The following COLQ variants were observed in gnomAD, a reference collection of about 807,000 sequenced individuals.
The protein encoded by COLQ is collagen like tail subunit of asymmetric acetylcholinesterase.
COLQ carries 48 observed loss-of-function variants against 69.0 expected under a neutral mutation model. The ratio of observed to expected loss-of-function variants is 0.70; its 90% confidence interval spans 0.55 to 0.88. The LOEUF is 0.88. Ranked by LOEUF, COLQ falls within the 40% of genes least tolerant of loss-of-function variation. The pLI is 0.00. For synonymous variants in COLQ, 217 were observed against 211.2 expected, an observed-to-expected ratio of 1.03 and a Z score of -0.24; for missense variants, 618 against 594.6, an observed-to-expected ratio of 1.04 and a Z score of -0.41.
In COLQ at chr3:15,450,751, G is replaced by A. The variant is rs2061930307; in HGVS notation, c.*893C>T. ...GCTGGCCCTAGATCGGGGACTCAGG[G>A]GAGTATCTGCCTAAGGACCAAGGAG... On this transcript the variant is annotated 3_prime_UTR_variant, in exon 17 of 17. Transcript: ENST00000383788. The A allele has an allele frequency of 1.3e-5, 2 of 152,400 alleles. No homozygotes were observed. The highest frequency in any genetic ancestry group is 1.3e-4 in the Admixed American group (2 of 15,282). 9.4% of individuals were successfully genotyped at this position (152,400 alleles called of 1,614,324 possible). A position where few individuals can be genotyped will look rare whatever the true frequency, so the allele number is the denominator to read the frequency against.
chr3:15,502,706 G>T (rs998957378), intron 1 of COLQ, among the ~76,000 whole-genome samples: 2 of 152,080 alleles, frequency 1.3e-5, no homozygotes, highest in Non-Finnish European at 2.9e-5. Context: ...GAGCCACCAC[G>T]CCCGGCCTAA....
chr3:15,488,315 A>T lies in COLQ; in HGVS notation c.220-8T>A, dbSNP rs2062610920. ...CATGTCTGGGGAGAGAAGCTTCAGT[A>T]CAAAGCAACACAGAGTTAGAGGTCA... On this transcript the variant is annotated splice_region_variant and splice_polypyrimidine_tract_variant and intron_variant, in intron 2 of 16. Transcript: ENST00000383788. 6.2e-7 allele frequency: 1 copy of T among 1,611,268 alleles called. No individual in the cohort carries two copies. The highest frequency in any genetic ancestry group is 8.5e-7 in the Non-Finnish European group (1 of 1,178,574).
At chr3:15,501,001 G>C (rs2062821788) in intron 1 of COLQ, among the ~76,000 whole-genome samples, 1 of 152,164 alleles carries the variant, frequency 6.6e-6, no homozygotes, top group Non-Finnish European at 1.5e-5. Flanking sequence ...CTCAGGGTCT[G>C]TGATTCCTGA....
chr3:15,491,508 C>T (rs971686554), intron 1 of COLQ, among the ~76,000 whole-genome samples: 3 of 152,206 alleles, frequency 2.0e-5, no homozygotes, highest in African/African-American at 2.4e-5. Context: ...CCCCAGAAGT[C>T]GCCAGGTCGT....
chr3:15,479,216 T>A, intron 4 of COLQ, 122 bp downstream of exon 4: 3 of 1,211,584 alleles, frequency 2.5e-6, no homozygotes, highest in Non-Finnish European at 3.7e-6. Flanking sequence ...GAACCCAGCC[T>A]CTCACCAAGG....
intron 15 of COLQ, among the ~76,000 whole-genome samples, chr3:15,455,182 C>T (rs2062007316): frequency 6.6e-6 from 1 of 152,186 alleles, no homozygotes; most frequent in African/African-American, 2.4e-5. Context: ...ACCCATTTTA[C>T]AGGCAAGGAA....
chr3:15,498,213 T>C (rs1575489759), intron 1 of COLQ, among the ~76,000 whole-genome samples: 1 of 152,160 alleles, frequency 6.6e-6, no homozygotes, highest in East Asian at 1.9e-4. Context: ...CTTGTGTCAG[T>C]CAAGGTCACA....
intron 11 of COLQ, chr3:15,467,989 G>GA (rs2062225769): frequency 2.2e-6 from 1 of 456,524 alleles, no homozygotes; most frequent in African/African-American, 2.0e-5. Flanking sequence ...CAGCCTAGCT[G>GA]AAGCATTCCC....
At chr3:15,484,193 G>A (rs1024921525) in intron 3 of COLQ, among the ~76,000 whole-genome samples, 33 of 4,452 alleles carry the variant, frequency 7.4e-3, no homozygotes, top group Non-Finnish European at 4.8e-3. Context: ...TTTTTAACTG[G>A]AGCATTTACC....
At chr3:15,512,472 G>T (rs913907964) in intron 1 of COLQ, among the ~76,000 whole-genome samples, 1 of 152,170 alleles carries the variant, frequency 6.6e-6, no homozygotes, top group Admixed American at 6.5e-5. Flanking sequence ...TGGGGAAGCC[G>T]GTCACCACGA....
At chr3:15,505,054 T>C (rs1202520694) in intron 1 of COLQ, among the ~76,000 whole-genome samples, 1 of 152,200 alleles carries the variant, frequency 6.6e-6, no homozygotes, top group Non-Finnish European at 1.5e-5. Context: ...AAGAATACCA[T>C]TAAAAAATTT....
chr3:15,454,651 GTTTTTTTTT>G (rs56053367), intron 15 of COLQ, among the ~76,000 whole-genome samples: 21 of 118,138 alleles, frequency 1.8e-4, no homozygotes, highest in African/African-American at 4.9e-4. Flanking sequence ...CCCCTGAACT[GTTTTTTTTT>G]TTTTTTTTTT....
intron 5 of COLQ, among the ~76,000 whole-genome samples, chr3:15,478,386 C>G (rs139113304): frequency 6.6e-6 from 1 of 152,164 alleles, no homozygotes; most frequent in Admixed American, 6.5e-5. Flanking sequence ...AAGTTTTGCA[C>G]GCTTGTCTAT....
At chr3:15,478,290 C>A (rs893266671) in intron 5 of COLQ, among the ~76,000 whole-genome samples, 4 of 152,192 alleles carry the variant, frequency 2.6e-5, no homozygotes, top group Non-Finnish European at 5.9e-5. Context: ...GTTTAAGGAT[C>A]TTGTGGACCA....
At chr3:15,479,220 A>G in intron 4 of COLQ, 118 bp downstream of exon 4, 1 of 1,227,450 alleles carries the variant, frequency 8.1e-7, no homozygotes, top group Non-Finnish European at 1.2e-6. Flanking sequence ...CCAGCCTCTC[A>G]CCAAGGCAGA....
At chr3:15,500,477 T>C (rs555498868) in intron 1 of COLQ, among the ~76,000 whole-genome samples, 59 of 152,304 alleles carry the variant, frequency 3.9e-4, no homozygotes, top group Non-Finnish European at 6.6e-4. Context: ...GGCATCAAAC[T>C]TTTTCTAAAA....
intron 1 of COLQ, among the ~76,000 whole-genome samples, chr3:15,502,461 G>A (rs927788402): frequency 6.6e-6 from 1 of 151,898 alleles, no homozygotes; most frequent in Non-Finnish European, 1.5e-5. Flanking sequence ...TGTCACCTAG[G>A]CTGGAGTGCA....
rs1168015598 is a variant in COLQ at position 15,450,537 on chromosome 3, G to A, written c.*1107C>T. 1 of 153,828 alleles carries A rather than the reference G, an allele frequency of 6.5e-6. No homozygotes were observed. Among genetic ancestry groups the A allele is most frequent in the African/African-American group, 2.4e-5 (1 of 41,444 alleles). The allele number at this position is 153,828 out of a possible 1,614,324, so 9.5% of individuals were successfully genotyped here. A position where few individuals can be genotyped will look rare whatever the true frequency, so the allele number is the denominator to read the frequency against. On this transcript the variant is annotated 3_prime_UTR_variant, in exon 17 of 17. Transcript: ENST00000383788. ...AGCCCTACTCAGGAAAAATGGTGATGAAAGGCAGCTCACAGACATGCACGA... is the reference window on the plus strand; with the variant it reads ...AGCCCTACTCAGGAAAAATGGTGATAAAAGGCAGCTCACAGACATGCACGA...
At chr3:15,511,691 T>A (rs2062987588) in intron 1 of COLQ, among the ~76,000 whole-genome samples, 1 of 152,228 alleles carries the variant, frequency 6.6e-6, no homozygotes, top group Non-Finnish European at 1.5e-5. Flanking sequence ...GATTGTTTCC[T>A]CACCTGGAGC....
Sources: gnomAD v4.1 joint callset for allele counts (sites outside exome capture counted in the v4.1 genomes callset) on GRCh38, gnomAD v4.1.1 for gene constraint, MANE v1.5 for transcripts, NCBI Gene and HGNC (gene_info 2026-07-23, HGNC 2026-07-21) for gene names.